SCG5: variants seen among roughly 807,000 people sequenced by gnomAD.
SCG5 encodes neuroendocrine protein 7B2.
In SCG5, 18 loss-of-function variants were observed where a neutral mutation model predicts 25.7. The observed-to-expected ratio is 0.70, with a 90% CI of 0.48 to 1.04. SCG5 has a LOEUF of 1.04. Among genes scored for constraint, SCG5 ranks in the 50% least tolerant of loss-of-function variants. The pLI, the probability that SCG5 is intolerant of heterozygous loss-of-function variation, is 0.00. For synonymous variants in SCG5, 101 were observed against 91.7 expected (o/e 1.10, Z -0.58); for missense variants, 206 against 259.8 (o/e 0.79, Z 1.42).
Position 32,690,093 on chromosome 15 carries a change from G to A in SCG5, c.490-1617G>A, listed in dbSNP as rs145160764. 2.1e-3 allele frequency among the ~76,000 whole-genome samples: 313 copies of A among 152,176 alleles called. 3 individuals carry two copies. Among genetic ancestry groups the A allele is most frequent in the African/African-American group, 6.8e-3 (282 of 41,532 alleles). ...CCTGACCTCGTGATCCTCCCACCTC[G>A]GCCTCCCAAAGTGCTGGGGCACATT... On this transcript the variant is annotated intron_variant, in intron 4 of 5. Transcript: ENST00000300175.
intron 4 of SCG5, among the ~76,000 whole-genome samples, chr15:32,685,111 A>G (rs534736640): frequency 6.6e-6 from 1 of 152,328 alleles, no homozygotes; most frequent in South Asian, 2.1e-4. Context: ...TTAGAAACAG[A>G]TATATATAAT....
chr15:32,692,005 A>C, intron 5 of SCG5: 5 of 1,366,986 alleles, frequency 3.7e-6, no homozygotes, highest in South Asian at 3.9e-5. Context: ...AATTCTAGCA[A>C]CTCCATTCCG....
Position 32,643,779 on chromosome 15 carries a change from C to T in SCG5, c.187C>T (p.His63Tyr). ...IARPRVEYPA[H>Y]QAMNLVGPQS... Reference sequence around the variant, plus strand: ...CAGGCCCCGAGTGGAATATCCAGCTCACCAGGCCATGAATCTTGTGGGCCC... The same window carrying T: ...CAGGCCCCGAGTGGAATATCCAGCTTACCAGGCCATGAATCTTGTGGGCCC... Residue 63 changes from histidine to tyrosine, a missense_variant, in exon 2 of 6, where the codon CAC becomes TAC. Transcript: ENST00000300175. The T allele has an allele frequency of 6.2e-7, 1 of 1,613,910 alleles. No homozygotes were observed. Among genetic ancestry groups the T allele is most frequent in the African/African-American group, 1.3e-5 (1 of 75,034 alleles).
In SCG5 at chr15:32,679,843, A is replaced by G; in HGVS notation, c.304A>G (p.Asn102Asp). 9.9e-6 allele frequency: 16 copies of G among 1,613,988 alleles called. No individual in the cohort carries two copies. Among genetic ancestry groups the G allele is most frequent in the African/African-American group, 1.3e-5 (1 of 75,046 alleles). ...CATCGTGGCAGAGTTGACTGGAGAC[A>G]ACATTCCTAAGGACTTTAGTGAGGA... ...PNIVAELTGDNIPKDFSEDQG... is the reference protein window; with the variant it reads ...PNIVAELTGDDIPKDFSEDQG... The change falls in exon 3 of 6, where the codon AAC becomes GAC. Residue 102 changes from asparagine (N) to aspartate (D), a missense_variant. By Grantham distance (23) the Asn-to-Asp change is conservative. Coordinates refer to ENST00000300175, the MANE Select transcript of SCG5 (RefSeq NM_001144757.3).
At chr15:32,667,375 T>C (rs1250562942) in intron 2 of SCG5, among the ~76,000 whole-genome samples, 1 of 152,264 alleles carries the variant, frequency 6.6e-6, no homozygotes, top group African/African-American at 2.4e-5. Context: ...ATTTGAGTTA[T>C]GTGTGCTTTC....
At chr15:32,685,462 T>C (rs1294861069) in intron 4 of SCG5, among the ~76,000 whole-genome samples, 1 of 152,184 alleles carries the variant, frequency 6.6e-6, no homozygotes, top group Non-Finnish European at 1.5e-5. Context: ...GTCACCAAAA[T>C]GGGGCTTGTT....
chr15:32,684,817 T>C (rs2054676447), intron 4 of SCG5, 148 bp downstream of exon 4: 1 of 622,966 alleles, frequency 1.6e-6, no homozygotes, highest in African/African-American at 1.8e-5. Context: ...GAGCTTCAAG[T>C]CATGACTACT....
At chr15:32,663,474 C>T (rs1433556913) in intron 2 of SCG5, among the ~76,000 whole-genome samples, 2 of 152,148 alleles carry the variant, frequency 1.3e-5, no homozygotes, top group Non-Finnish European at 2.9e-5. Context: ...ACCAGCTTGA[C>T]TTTGTGGCAG....
In SCG5 at chr15:32,688,610, A is replaced by G. The variant is rs115494590; in HGVS notation, c.490-3100A>G. Among the ~76,000 whole-genome samples, 228 of 152,290 alleles carry G rather than the reference A, an allele frequency of 1.5e-3. 1 individual carries two copies. Among genetic ancestry groups the G allele is most frequent in the African/African-American group, 5.3e-3 (219 of 41,574 alleles). ...CAGGGAAGTTTGTCTCATGACTGGCAGTGTTCACTTTGTTAAGGTGCTGCC... is the reference window on the plus strand; with the variant it reads ...CAGGGAAGTTTGTCTCATGACTGGCGGTGTTCACTTTGTTAAGGTGCTGCC... On this transcript the variant is annotated intron_variant, in intron 4 of 5. Transcript: ENST00000300175.
chr15:32,652,470 G>A (rs1460674863), intron 2 of SCG5, among the ~76,000 whole-genome samples: 1 of 152,166 alleles, frequency 6.6e-6, no homozygotes, highest in Non-Finnish European at 1.5e-5. Flanking sequence ...AGTGCTAATT[G>A]CTAAGAACCA....
intron 2 of SCG5, among the ~76,000 whole-genome samples, chr15:32,646,736 T>C (rs2053949755): frequency 6.6e-6 from 1 of 152,182 alleles, no homozygotes; most frequent in South Asian, 2.1e-4. Context: ...GACCTTGGCA[T>C]TGAATTTGTT....
chr15:32,642,903 AAAAG>A (rs2053888790), intron 1 of SCG5, among the ~76,000 whole-genome samples: 2 of 152,156 alleles, frequency 1.3e-5, no homozygotes, highest in Non-Finnish European at 2.9e-5. Context: ...CAACAACCCT[AAAAG>A]GTAAATGCTT....
intron 2 of SCG5, among the ~76,000 whole-genome samples, chr15:32,660,648 AC>A (rs1263129094): frequency 6.6e-6 from 1 of 152,168 alleles, no homozygotes; most frequent in Non-Finnish European, 1.5e-5. Flanking sequence ...CACGCATGAT[AC>A]CCCTGCTCCT....
intron 2 of SCG5, among the ~76,000 whole-genome samples, chr15:32,659,001 C>G (rs563632066): frequency 5.9e-5 from 9 of 152,198 alleles, no homozygotes; most frequent in Admixed American, 4.6e-4. Context: ...ACGGTGAAAC[C>G]CTGTCTCTAC....
chr15:32,685,393 A>G (rs2054691250), intron 4 of SCG5, among the ~76,000 whole-genome samples: 1 of 152,202 alleles, frequency 6.6e-6, no homozygotes, highest in Non-Finnish European at 1.5e-5. Flanking sequence ...GCATTTGACA[A>G]GATCGTTTTA....
Position 32,661,602 on chromosome 15 carries a change from G to A in SCG5, c.226+17784G>A, listed in dbSNP as rs546493954. ...ACCATTACACTCCAGCCTGGGCAAC[G>A]AGCGAAACTCTGTCTCAACAAAAAA... On this transcript the variant is annotated intron_variant, in intron 2 of 5. Coordinates refer to ENST00000300175, the MANE Select transcript of SCG5 (RefSeq NM_001144757.3). Among the ~76,000 whole-genome samples the A allele has an allele frequency of 3.0e-4, 46 of 152,074 alleles. No homozygotes were observed. The South Asian group carries it at 8.9e-3, about 30-fold the overall frequency.
intron 3 of SCG5, among the ~76,000 whole-genome samples, chr15:32,680,362 A>AT (rs960474289): frequency 2.0e-4 from 30 of 150,262 alleles, no homozygotes; most frequent in Admixed American, 3.3e-4. Context: ...CTCCTGGCTA[A>AT]TTTTTTTTTG....
At chr15:32,684,158 G>A (rs186565169) in intron 3 of SCG5, among the ~76,000 whole-genome samples, 4 of 152,306 alleles carry the variant, frequency 2.6e-5, no homozygotes, top group Admixed American at 2.6e-4. Context: ...GAGAAGTGGA[G>A]CATGGTATGA....
chr15:32,690,238 T>A (rs2054823577), intron 4 of SCG5, among the ~76,000 whole-genome samples: 1 of 152,188 alleles, frequency 6.6e-6, no homozygotes, highest in East Asian at 1.9e-4. Context: ...TGGCTGACAG[T>A]CCCACCCCAT....
Sources: allele counts gnomAD v4.1 joint callset (sites outside exome capture counted in the v4.1 genomes callset), GRCh38; gene constraint gnomAD v4.1.1; transcripts MANE v1.5; gene names NCBI Gene and HGNC (gene_info 2026-07-23, HGNC 2026-07-21).